Variants in MTFR1 observed in about 807,000 individuals in gnomAD.
The protein encoded by MTFR1 is mitochondrial fission regulator 1, also known as chondrocyte protein with a poly-proline region.
Under a neutral mutation model 38.8 loss-of-function variants are expected in MTFR1, and 28 were observed. The observed-to-expected ratio is 0.72, with a 90% CI of 0.53 to 0.99. The LOEUF is 0.99. Ranked by LOEUF, MTFR1 falls within the 50% of genes least tolerant of loss-of-function variation. MTFR1 has a pLI of 0.00. For missense variants in MTFR1, 358 were observed against 395.5 expected (o/e 0.91, Z 0.81); for synonymous variants, 145 against 137.0 (o/e 1.06, Z -0.41).
chr8:65,668,096 T>TTACATCAC (rs765446239), intron 1 of MTFR1, among the ~76,000 whole-genome samples: 1 of 152,206 alleles, frequency 6.6e-6, no homozygotes, highest in Non-Finnish European at 1.5e-5. Context: ...GATAAAGGGC[T>TTACATCAC]TACATCACTA....
chr8:65,693,097 A>G (rs1805330598), intron 3 of MTFR1, among the ~76,000 whole-genome samples: 1 of 152,042 alleles, frequency 6.6e-6, no homozygotes, highest in Non-Finnish European at 1.5e-5. Flanking sequence ...TTTCTAGGAT[A>G]GTTTTTTAAA....
intron 1 of MTFR1, among the ~76,000 whole-genome samples, chr8:65,655,957 T>TAG (rs1809248464): frequency 2.8e-5 from 1 of 35,242 alleles, no homozygotes; most frequent in Non-Finnish European, 5.0e-5. Flanking sequence ...AAAAAATATA[T>TAG]ATATATATAT....
intron 3 of MTFR1, among the ~76,000 whole-genome samples, chr8:65,683,778 G>C (rs752867980): frequency 3.3e-5 from 5 of 151,540 alleles, no homozygotes; most frequent in African/African-American, 4.9e-5. Context: ...GCGCATCTCT[G>C]CCTCCCTAAG....
downstream of MTFR1, chr8:65,714,674 G>A (rs955865174): frequency 3.3e-5 from 5 of 152,160 alleles, no homozygotes; most frequent in Admixed American, 2.6e-4. Context: ...AGGAGATACC[G>A]ATTGAGGGGA....
downstream of MTFR1, among the ~76,000 whole-genome samples, chr8:65,711,615 A>G (rs960640505): frequency 5.9e-5 from 9 of 152,064 alleles, no homozygotes; most frequent in Admixed American, 2.0e-4. Context: ...TATTGATCCT[A>G]TTTGTTAGGA....
intron 3 of MTFR1, among the ~76,000 whole-genome samples, chr8:65,747,027 T>G (rs1807703488): frequency 1.3e-5 from 2 of 152,212 alleles, no homozygotes; most frequent in Non-Finnish European, 2.9e-5. Context: ...TGATGTTCAG[T>G]AAGACATTTC....
downstream of MTFR1, among the ~76,000 whole-genome samples, chr8:65,711,768 T>C (rs1396123024): frequency 2.0e-5 from 3 of 152,136 alleles, no homozygotes; most frequent in Non-Finnish European, 4.4e-5. Flanking sequence ...CTTCCAAGAC[T>C]ATTATTATCC....
chr8:65,721,719 G>C (rs1367541679), intron 3 of MTFR1: 1 of 151,836 alleles, frequency 6.6e-6, no homozygotes, highest in Non-Finnish European at 1.5e-5. Context: ...AGTTTACTAG[G>C]ATAAAAAGAC....
intron 4 of MTFR1, among the ~76,000 whole-genome samples, chr8:65,697,560 G>C (rs1805482975): frequency 6.6e-6 from 1 of 152,170 alleles, no homozygotes; most frequent in African/African-American, 2.4e-5. Context: ...CCAGTTTTTG[G>C]CTGTTAAAGA....
intron 3 of MTFR1, among the ~76,000 whole-genome samples, chr8:65,684,631 C>T (rs1009993497): frequency 1.3e-5 from 2 of 151,752 alleles, no homozygotes; most frequent in South Asian, 2.1e-4. Flanking sequence ...GTGATCCATC[C>T]GCCTCAGGCT....
chr8:65,771,424 A>T (rs1206252793), downstream of MTFR1, among the ~76,000 whole-genome samples: 6 of 152,212 alleles, frequency 3.9e-5, no homozygotes, highest in South Asian at 2.1e-4. Flanking sequence ...AGAAGAAATT[A>T]AAAAATTATG....
chr8:65,655,561 T>C (rs1585743025), intron 1 of MTFR1, among the ~76,000 whole-genome samples: 1 of 152,174 alleles, frequency 6.6e-6, no homozygotes, highest in Non-Finnish European at 1.5e-5. Flanking sequence ...TTTTGTTTTA[T>C]AGTATGGTAA....
chr8:65,708,915 G>A (rs1031308372), intron 7 of MTFR1, 61 bp from the exon 8 acceptor site: 37 of 1,501,974 alleles, frequency 2.5e-5, no homozygotes, highest in Non-Finnish European at 3.4e-5. Flanking sequence ...TGGGAGGTGG[G>A]GGCGTATCGT....
At chr8:65,691,688 C>T (rs952382695) in intron 3 of MTFR1, among the ~76,000 whole-genome samples, 6 of 151,738 alleles carry the variant, frequency 4.0e-5, no homozygotes, top group African/African-American at 9.7e-5. Context: ...CTTGCTCTGT[C>T]GCCCAGGCTG....
At chr8:65,723,810 AT>A (rs1470293262) in intron 3 of MTFR1, among the ~76,000 whole-genome samples, 2 of 152,194 alleles carry the variant, frequency 1.3e-5, no homozygotes, top group Non-Finnish European at 1.5e-5. Context: ...CCAAGCTGAT[AT>A]TTTTATTTAA....
At chr8:65,661,503 GGT>G (rs1473442533) in intron 1 of MTFR1, among the ~76,000 whole-genome samples, 2 of 152,002 alleles carry the variant, frequency 1.3e-5, no homozygotes, top group Non-Finnish European at 2.9e-5. Flanking sequence ...CGGGTGCTGT[GGT>G]GCATGCCTGT....
rs919341281 is a variant in MTFR1 at position 65,657,606 on chromosome 8, A to G, written c.-80-12267A>G. On this transcript the variant is annotated intron_variant, in intron 1 of 7. Coordinates refer to ENST00000262146, the MANE Select transcript of MTFR1 (RefSeq NM_014637.4). ...GTAGTCCCAGCTACTCAGGTGGCTA[A>G]GGCAGGAGAATCACTCGAGCCCCAG... 7.9e-5 allele frequency among the ~76,000 whole-genome samples: 12 copies of G among 152,138 alleles called. No individual in the cohort carries two copies. In the East Asian group the frequency reaches 2.3e-3, roughly 29 times the overall value.
Position 65,669,888 on chromosome 8 carries a change from A to G in MTFR1, c.-65A>G. 4.9e-6 allele frequency: 6 copies of G among 1,234,854 alleles called. No individual in the cohort carries two copies. Among genetic ancestry groups the G allele is most frequent in the Non-Finnish European group, 7.0e-6 (6 of 854,934 alleles). 76.5% of individuals were successfully genotyped at this position (1,234,854 alleles called of 1,614,324 possible). A position where few individuals can be genotyped will look rare whatever the true frequency, so the allele number is the denominator to read the frequency against. On this transcript the variant is annotated 5_prime_UTR_variant, in exon 2 of 8. It removes an upstream start codon present in the reference 5' UTR. Transcript: ENST00000262146. ...AAATTTTCAGTGTGTTTTATGGACC[A>G]TGTGCTGCTATGTATGCCTGAAGAA...
chr8:65,689,219 G>GTATTTA (rs1322243607), intron 3 of MTFR1, among the ~76,000 whole-genome samples: 1 of 152,196 alleles, frequency 6.6e-6, no homozygotes, highest in Non-Finnish European at 1.5e-5. Flanking sequence ...TAGAATGAGT[G>GTATTTA]TATTTACTAT....
Sources: allele counts gnomAD v4.1 joint callset (sites outside exome capture counted in the v4.1 genomes callset), GRCh38; gene constraint gnomAD v4.1.1; transcripts MANE v1.5; gene names NCBI Gene and HGNC (gene_info 2026-07-23, HGNC 2026-07-21).